SLC8A1: variants seen among roughly 807,000 people sequenced by gnomAD.
The protein encoded by SLC8A1 is solute carrier family 8 member A1, also known as sodium/calcium exchanger 1.
Under a neutral mutation model 68.3 loss-of-function variants are expected in SLC8A1, and 18 were observed. The observed-to-expected ratio is 0.26, with a 90% confidence interval of 0.18 to 0.39. The LOEUF is 0.39. Ranked by LOEUF, SLC8A1 falls within the 10% of genes least tolerant of loss-of-function variation. The pLI is 1.00. For synonymous variants in SLC8A1, 475 were observed against 415.5 expected (o/e 1.14, Z -1.74); for missense variants, 985 against 1,156.7 (o/e 0.85, Z 2.15).
At chr2:40,284,184 T>C (rs1487196668) in intron 2 of SLC8A1, among the ~76,000 whole-genome samples, 1 of 151,836 alleles carries the variant, frequency 6.6e-6, no homozygotes, top group East Asian at 1.9e-4. Flanking sequence ...TCTATAGATA[T>C]AGCTATCTAT....
intron 2 of SLC8A1, chr2:40,223,529 TGAGTGTC>T (rs2058613338): frequency 1.3e-5 from 2 of 151,866 alleles, no homozygotes; most frequent in African/African-American, 2.4e-5. Context: ...AAAAAAAGTC[TGAGTGTC>T]TTAAGTATTA....
intron 7 of SLC8A1, among the ~76,000 whole-genome samples, chr2:40,134,717 C>CTGA (rs1216181390): frequency 6.6e-6 from 1 of 152,160 alleles, no homozygotes; most frequent in Non-Finnish European, 1.5e-5. Flanking sequence ...ATTGAACCAA[C>CTGA]TTGTACTAAT....
intron 2 of SLC8A1, among the ~76,000 whole-genome samples, chr2:40,332,704 T>C (rs979869200): frequency 3.9e-5 from 6 of 152,180 alleles, no homozygotes; most frequent in African/African-American, 1.4e-4. Flanking sequence ...GTCAAACCTG[T>C]TTAAAAATCC....
chr2:40,115,563 G>A (rs777755714), exon 8 of SLC8A1: 4 of 1,613,832 alleles, frequency 2.5e-6, no homozygotes, highest in East Asian at 2.2e-5. Flanking sequence ...GTTGCTGCCC[G>A]TGACGTTACC....
At chr2:40,368,572 T>C (rs890451259) in intron 2 of SLC8A1, among the ~76,000 whole-genome samples, 4 of 152,120 alleles carry the variant, frequency 2.6e-5, no homozygotes, top group African/African-American at 9.6e-5. Flanking sequence ...TTAAAATTGA[T>C]AAATATTTTC....
chr2:40,129,387 T>A (rs532604274), intron 7 of SLC8A1, among the ~76,000 whole-genome samples: 2 of 127,916 alleles, frequency 1.6e-5, no homozygotes, highest in African/African-American at 2.9e-5. Flanking sequence ...CATACCACCA[T>A]GCCCAGCTAA....
chr2:40,468,726 T>G (rs1703836911), intron 1 of SLC8A1, among the ~76,000 whole-genome samples: 1 of 152,096 alleles, frequency 6.6e-6, no homozygotes, highest in Admixed American at 6.6e-5. Flanking sequence ...TGTCAACTGG[T>G]GCTCACTTTT....
At chr2:40,279,781 T>C (rs1460778454) in intron 2 of SLC8A1, among the ~76,000 whole-genome samples, 1 of 152,210 alleles carries the variant, frequency 6.6e-6, no homozygotes, top group Non-Finnish European at 1.5e-5. Flanking sequence ...ATTCTGTTTT[T>C]TTGAGGGGAG....
chr2:40,407,424 C>T (rs1056692885), intron 2 of SLC8A1, among the ~76,000 whole-genome samples: 13 of 152,178 alleles, frequency 8.5e-5, no homozygotes, highest in Non-Finnish European at 1.8e-4. Flanking sequence ...TTATTAGATG[C>T]TATCTATACT....
exon 8 of SLC8A1, chr2:40,111,707 G>A (rs557159414): frequency 6.6e-6 from 1 of 152,224 alleles, no homozygotes; most frequent in Non-Finnish European, 1.5e-5. Context: ...GATATAGACA[G>A]AAATCGTTAA....
intron 2 of SLC8A1, among the ~76,000 whole-genome samples, chr2:40,346,462 T>C (rs1346951913): frequency 2.0e-5 from 3 of 152,266 alleles, no homozygotes; most frequent in African/African-American, 7.2e-5. Flanking sequence ...CAACATTCAG[T>C]GTTGTGACCA....
chr2:40,202,108 A>G (rs1000653156), intron 2 of SLC8A1, among the ~76,000 whole-genome samples: 1 of 152,004 alleles, frequency 6.6e-6, no homozygotes, highest in Non-Finnish European at 1.5e-5. Flanking sequence ...CAAAGATTAG[A>G]TCAGCACCAT....
At chr2:40,209,732 G>C (rs768384682) in intron 2 of SLC8A1, among the ~76,000 whole-genome samples, 3 of 152,112 alleles carry the variant, frequency 2.0e-5, no homozygotes, top group Non-Finnish European at 4.4e-5. Context: ...GTGGTCATGG[G>C]AGTCTGCGGA....
chr2:40,244,007 A>G (rs1364144325), intron 2 of SLC8A1, among the ~76,000 whole-genome samples: 2 of 151,872 alleles, frequency 1.3e-5, no homozygotes, highest in African/African-American at 2.4e-5. Flanking sequence ...TGAGGGGTCT[A>G]GGGTCTGGGG....
intron 2 of SLC8A1, among the ~76,000 whole-genome samples, chr2:40,305,184 C>T (rs1462562639): frequency 6.6e-6 from 1 of 152,166 alleles, no homozygotes; most frequent in East Asian, 1.9e-4. Context: ...GTTTCACTGC[C>T]ACCACTTGGG....
intron 2 of SLC8A1, among the ~76,000 whole-genome samples, chr2:40,379,076 C>T (rs142835643): frequency 6.6e-6 from 1 of 152,118 alleles, no homozygotes; most frequent in African/African-American, 2.4e-5. Flanking sequence ...AGAATAGCAT[C>T]TGGCTCATAA....
At chr2:40,220,435 T>C (rs1026004541) in intron 2 of SLC8A1, 2 of 152,182 alleles carry the variant, frequency 1.3e-5, no homozygotes, top group Non-Finnish European at 2.9e-5. Flanking sequence ...ATTTGGGTGC[T>C]TGTTGGGAAG....
chr2:40,358,429 A>T (rs532617419), intron 2 of SLC8A1, among the ~76,000 whole-genome samples: 1 of 152,194 alleles, frequency 6.6e-6, no homozygotes, highest in East Asian at 1.9e-4. Context: ...AGGAACATAA[A>T]AGGCAGTGAA....
chr2:40,270,285 G>T (rs893411001), intron 2 of SLC8A1, among the ~76,000 whole-genome samples: 8 of 152,208 alleles, frequency 5.3e-5, no homozygotes, highest in African/African-American at 1.9e-4. Context: ...GATGGTGTAG[G>T]AAGGTATATT....
Sources: allele counts gnomAD v4.1 joint callset (sites outside exome capture counted in the v4.1 genomes callset), GRCh38; gene constraint gnomAD v4.1.1; transcripts MANE v1.5; gene names NCBI Gene and HGNC (gene_info 2026-07-23, HGNC 2026-07-21).